TIGD5: variants seen among roughly 807,000 people sequenced by gnomAD.
TIGD5 encodes tigger transposable element-derived protein 5.
Under a neutral mutation model 28.8 loss-of-function variants are expected in TIGD5, and 24 were observed. The ratio of observed to expected loss-of-function variants is 0.83; its 90% CI spans 0.60 to 1.17. The LOEUF (loss-of-function observed/expected upper bound fraction) is 1.17. Among genes scored for constraint, TIGD5 ranks in the 50% most tolerant of loss-of-function variants. TIGD5 has a pLI of 0.00. For missense variants in TIGD5, 922 were observed against 911.4 expected (o/e 1.01, Z -0.15); for synonymous variants, 538 against 430.5 (o/e 1.25, Z -3.09).
chr8:143,598,585 G>C lies in TIGD5; in HGVS notation c.682G>C (p.Glu228Gln). The part of the protein sequence containing the change: ...DRAPAPPPPA[E>Q]GGYGDEQIYS... Reference sequence around the variant, plus strand: ...CGCCCCGGCCCCGCCGCCCCCGGCCGAGGGCGGCTACGGGGACGAGCAGAT... The same window carrying C: ...CGCCCCGGCCCCGCCGCCCCCGGCCCAGGGCGGCTACGGGGACGAGCAGAT... The change falls in exon 1 of 1, where the codon GAG becomes CAG. Residue 228 changes from glutamate (E) to glutamine (Q), a missense_variant. This residue lies in a region of TIGD5 where 821 missense variants were observed against 815.2 expected (regional missense o/e 1.01). Transcript: ENST00000504548. The surrounding 1 kb of genome is among the most constrained non-coding windows in gnomAD (Gnocchi z 6.6). 11 of 1,307,826 alleles carry C rather than the reference G, an allele frequency of 8.4e-6. No homozygotes were observed. The highest frequency in any genetic ancestry group is 1.6e-5 in the African/African-American group (1 of 62,638). The allele number at this position is 1,307,826 out of a possible 1,614,324, so 81.0% of individuals were successfully genotyped here.
Position 143,600,667 on chromosome 8 carries a change from G to A in TIGD5, c.*835G>A, listed in dbSNP as rs2131391144. The A allele has an allele frequency of 6.6e-6, 1 of 152,324 alleles. No individual in the cohort carries two copies. The highest frequency in any genetic ancestry group is 1.9e-4 in the East Asian group (1 of 5,180). The allele number at this position is 152,324 out of a possible 1,614,324, so 9.4% of individuals were successfully genotyped here. On this transcript the variant is annotated 3_prime_UTR_variant, in exon 1 of 1. Coordinates refer to ENST00000504548, the MANE Select transcript of TIGD5 (RefSeq NM_032862.5). ...GAGCCACCTGACTTACCTGGAAGCAGGCCCTGGCATTAGCCCCCAGGGCAA... is the reference window on the plus strand; with the variant it reads ...GAGCCACCTGACTTACCTGGAAGCAAGCCCTGGCATTAGCCCCCAGGGCAA...
Position 143,598,013 on chromosome 8 carries a change from CCCCCG to C in TIGD5, c.112_116del (p.Pro38AlafsTer69). On this transcript the variant is annotated frameshift_variant, in exon 1 of 1. Coordinates refer to ENST00000504548, the MANE Select transcript of TIGD5 (RefSeq NM_032862.5). LOFTEE classifies it high-confidence loss of function. The surrounding 1 kb of genome is among the most constrained non-coding windows in gnomAD (Gnocchi z 6.6). ...CCCGTCCCCGCTGCACGGCCGCCGCCCCCCGCGCCCGGGCCGCGGCCCCGCGTGGC... is the reference window on the plus strand; with the variant it reads ...CCCGTCCCCGCTGCACGGCCGCCGCCCGCCCGGGCCGCGGCCCCGCGTGGC... 8 of 1,288,208 alleles carry C rather than the reference CCCCCG, an allele frequency of 6.2e-6. No individual in the cohort carries two copies. Among genetic ancestry groups the C allele is most frequent in the Non-Finnish European group, 7.9e-6 (8 of 1,018,234 alleles). The allele number at this position is 1,288,208 out of a possible 1,614,324, so 79.8% of individuals were successfully genotyped here. A position where few individuals can be genotyped will look rare whatever the true frequency, so the allele number is the denominator to read the frequency against.
chr8:143,599,032 GC>G lies in TIGD5; in HGVS notation c.1134del (p.Val379CysfsTer217). On this transcript the variant is annotated frameshift_variant, in exon 1 of 1. Coordinates refer to ENST00000504548, the MANE Select transcript of TIGD5 (RefSeq NM_032862.5). LOFTEE classifies it high-confidence loss of function. ...TATGCCCGCCCTGGACAGCGAGGAT[GC>G]CCCCGTGCGGTGCAGGCCGGAGCCC... is the stretch of plus-strand genomic sequence containing the variant. ...ASMPALDSEDAPVRCRPEPLG... is the reference protein window; with the variant it reads ...ASMPALDSEDXPVRCRPEPLG... 6.4e-7 allele frequency: 1 copy of G among 1,569,978 alleles called. No homozygotes were observed.
Position 143,600,007 on chromosome 8 carries a change from C to G in TIGD5, c.*175C>G, listed in dbSNP as rs571061570. 9 of 620,052 alleles carry G rather than the reference C, an allele frequency of 1.5e-5. No individual in the cohort carries two copies. In the African/African-American group the frequency reaches 1.5e-4, roughly 11 times the overall value. The allele number at this position is 620,052 out of a possible 1,614,324, so 38.4% of individuals were successfully genotyped here. On this transcript the variant is annotated 3_prime_UTR_variant, in exon 1 of 1. Coordinates refer to ENST00000504548, the MANE Select transcript of TIGD5 (RefSeq NM_032862.5). ...CTCTGTTGGTGAGAGGTCGCCCTGCCTCACTGGCACCCTGGGGGCACAGCT... is the reference window on the plus strand; with the variant it reads ...CTCTGTTGGTGAGAGGTCGCCCTGCGTCACTGGCACCCTGGGGGCACAGCT...
chr8:143,598,504 C>T lies in TIGD5; in HGVS notation c.601C>T (p.Pro201Ser). The part of the protein sequence containing the change: ...GPPAPSPAPG[P>S]PVKEEPALPS... ...CCCAGCCCCGAGCCCCGCGCCCGGC[C>T]CGCCCGTCAAGGAGGAGCCCGCGCT... The change falls in exon 1 of 1, where the codon CCG becomes TCG. Residue 201 changes from proline to serine, a missense_variant. Coordinates refer to ENST00000504548, the MANE Select transcript of TIGD5 (RefSeq NM_032862.5). The surrounding 1 kb of genome is among the most constrained non-coding windows in gnomAD (Gnocchi z 6.6). 7.3e-7 allele frequency: 1 copy of T among 1,368,624 alleles called. No homozygotes were observed. Among genetic ancestry groups the T allele is most frequent in the Non-Finnish European group, 9.4e-7 (1 of 1,066,924 alleles). The allele number at this position is 1,368,624 out of a possible 1,614,324, so 84.8% of individuals were successfully genotyped here.
At position 143,597,922 on chromosome 8, in the gene TIGD5, C is replaced by A; in HGVS notation, c.19C>A (p.Pro7Thr). 2 of 861,980 alleles carry A rather than the reference C, an allele frequency of 2.3e-6. No homozygotes were observed. The highest frequency in any genetic ancestry group is 5.1e-5 in the South Asian group (1 of 19,660). 53.4% of individuals were successfully genotyped at this position (861,980 alleles called of 1,614,324 possible). A position where few individuals can be genotyped will look rare whatever the true frequency, so the allele number is the denominator to read the frequency against. ...CGCAGCCATGTACCCCGCGGGCCCC[C>A]CGGCCGGCCCGGTACCGCGCCGCGG... Reference protein sequence around the residue: MYPAGPPAGPVPRRGRR... With the variant: MYPAGPTAGPVPRRGRR... Residue 7 changes from proline (P) to threonine (T), a missense_variant, in exon 1 of 1, where the codon CCG (proline) becomes ACG (threonine). Physicochemically the swap from Pro to Thr is conservative, Grantham distance 38. This residue lies in a region of TIGD5 where 87 missense variants were observed against 60.9 expected (regional missense o/e 1.43). Transcript: ENST00000504548.
chr8:143,598,135 T>A lies in TIGD5; in HGVS notation c.232T>A (p.Cys78Ser). 1 of 1,589,556 alleles carries A rather than the reference T, an allele frequency of 6.3e-7. No individual in the cohort carries two copies. The highest frequency in any genetic ancestry group is 1.1e-5 in the South Asian group (1 of 88,220). Residue 78 changes from cysteine (C) to serine (S), a missense_variant, in exon 1 of 1, where the codon TGC becomes AGC. Physicochemically the swap from Cys to Ser is moderately radical, Grantham distance 112. Around this residue, in one of 3 missense-constraint regions of TIGD5, gnomAD observed 821 missense variants for 815.2 expected, o/e 1.01. Transcript: ENST00000504548. The surrounding 1 kb of genome is among the most constrained non-coding windows in gnomAD (Gnocchi z 6.6). ...VKGGERQASVCRDFGVPGGTL... is the reference protein window; with the variant it reads ...VKGGERQASVSRDFGVPGGTL... ...GGGCGGCGAGCGGCAGGCCAGTGTG[T>A]GCCGCGACTTCGGCGTGCCGGGCGG...
At position 143,598,016 on chromosome 8, in the gene TIGD5, C is replaced by G. The variant is rs1334286414; in HGVS notation, c.113C>G (p.Pro38Arg). ...APVPAARPPP[P>R]APGPRPRVAV... ...GTCCCCGCTGCACGGCCGCCGCCCC[C>G]CGCGCCCGGGCCGCGGCCCCGCGTG... The change falls in exon 1 of 1, where the codon CCC (proline) becomes CGC (arginine). Residue 38 changes from proline to arginine, a missense_variant. Pro to Arg is a moderately radical substitution (Grantham distance 103). Coordinates refer to ENST00000504548, the MANE Select transcript of TIGD5 (RefSeq NM_032862.5). The surrounding 1 kb of genome is among the most constrained non-coding windows in gnomAD (Gnocchi z 6.6). 2.3e-6 allele frequency: 3 copies of G among 1,295,880 alleles called. No individual in the cohort carries two copies. Among genetic ancestry groups the G allele is most frequent in the Non-Finnish European group, 2.9e-6 (3 of 1,023,298 alleles). 80.3% of individuals were successfully genotyped at this position (1,295,880 alleles called of 1,614,324 possible).
chr8:143,598,323 G>A lies in TIGD5; in HGVS notation c.420G>A (p.Val140=), dbSNP rs983315972. 1.9e-6 allele frequency: 3 copies of A among 1,607,400 alleles called. No homozygotes were observed. Among genetic ancestry groups the A allele is most frequent in the Non-Finnish European group, 2.5e-6 (3 of 1,178,068 alleles). The change falls in exon 1 of 1, where the codon GTG becomes GTA. Residue 140 remains valine (V), a synonymous_variant. Coordinates refer to ENST00000504548, the MANE Select transcript of TIGD5 (RefSeq NM_032862.5). The surrounding 1 kb of genome is among the most constrained non-coding windows in gnomAD (Gnocchi z 6.6). ...AWFLALRQHG[V]PLSGPLIQAQ... is the part of the protein sequence containing the mutation. ...TCCTGGCGCTGCGCCAGCACGGGGT[G>A]CCGCTGTCTGGCCCGCTCATCCAGG...
rs962956691 is a variant in TIGD5, at chr8:143,602,074, C to T, written c.*2242C>T. On this transcript the variant is annotated 3_prime_UTR_variant, in exon 1 of 1. Coordinates refer to ENST00000504548, the MANE Select transcript of TIGD5 (RefSeq NM_032862.5). The stretch of plus-strand genomic sequence containing the variant: ...TCACAACACCGCGCTCCAGTCTGCG[C>T]GACAGAGCGAGACTCTGTCTCAAAA... The T allele has an allele frequency of 2.8e-5, 4 of 141,768 alleles. No homozygotes were observed. The highest frequency in any genetic ancestry group is 4.4e-4 in the South Asian group (2 of 4,562). The allele number at this position is 141,768 out of a possible 1,614,324, so 8.8% of individuals were successfully genotyped here. A position where few individuals can be genotyped will look rare whatever the true frequency, so the allele number is the denominator to read the frequency against.
rs1211345187 is a variant in TIGD5 at position 143,598,070 on chromosome 8, A to G, written c.167A>G (p.Tyr56Cys). The change falls in exon 1 of 1, where the codon TAC becomes TGC. Residue 56 changes from tyrosine to cysteine, a missense_variant. Tyr to Cys is a radical substitution (Grantham distance 194, BLOSUM62 -2). Transcript: ENST00000504548. This position sits in a 1 kb window ranked among gnomAD's most constrained non-coding sequence, Gnocchi z 6.6. The stretch of plus-strand genomic sequence containing the variant: ...GTGAAGATGGCCTTCCGCAAGGCCT[A>G]CTCCATCAAGGACAAGCTGCAGGCC... ...VAVKMAFRKA[Y>C]SIKDKLQAIE... 1.3e-6 allele frequency: 2 copies of G among 1,500,900 alleles called. No homozygotes were observed. The highest frequency in any genetic ancestry group is 1.3e-5 in the South Asian group (1 of 76,524). 93.0% of individuals were successfully genotyped at this position (1,500,900 alleles called of 1,614,324 possible). A position where few individuals can be genotyped will look rare whatever the true frequency, so the allele number is the denominator to read the frequency against.
In TIGD5 at chr8:143,599,521, GGTCCGC is replaced by G. The variant is rs1485109754; in HGVS notation, c.1619_1624del (p.Gly540_Pro542delinsAla). On this transcript the variant is annotated inframe_deletion, in exon 1 of 1. Coordinates refer to ENST00000504548, the MANE Select transcript of TIGD5 (RefSeq NM_032862.5). ...GTGGCTGCACCTGGACGATGATGGGGGTCCGCCCGAGGGCTGCAGGGAGGAGGTGGG... is the reference window on the plus strand; with the variant it reads ...GTGGCTGCACCTGGACGATGATGGGGCCGAGGGCTGCAGGGAGGAGGTGGG... The G allele has an allele frequency of 5.7e-6, 9 of 1,585,890 alleles. No individual in the cohort carries two copies. In the Admixed American group the frequency reaches 8.9e-5, roughly 16 times the overall value.
At position 143,600,794 on chromosome 8, in the gene TIGD5, C is replaced by G. The variant is rs1202884212; in HGVS notation, c.*962C>G. On this transcript the variant is annotated 3_prime_UTR_variant, in exon 1 of 1. Coordinates refer to ENST00000504548, the MANE Select transcript of TIGD5 (RefSeq NM_032862.5). ...GGCTGACAAGCTGCTCCTGGGAGGC[C>G]TACTTTGAAAGGAGGAAAGGGCCCC... 4 of 152,374 alleles carry G rather than the reference C, an allele frequency of 2.6e-5. No individual in the cohort carries two copies. Among genetic ancestry groups the G allele is most frequent in the African/African-American group, 9.6e-5 (4 of 41,452 alleles). The allele number at this position is 152,374 out of a possible 1,614,324, so 9.4% of individuals were successfully genotyped here.
In TIGD5 at chr8:143,598,842, C is replaced by T; in HGVS notation, c.939C>T (p.Ala313=). 1.2e-6 allele frequency: 2 copies of T among 1,600,960 alleles called. No individual in the cohort carries two copies. Among genetic ancestry groups the T allele is most frequent in the Non-Finnish European group, 1.7e-6 (2 of 1,179,604 alleles). ...ACCACAACCAGGACAAGTTCCCGGC[C>T]TCCTACCGCTACAGCCCCGACGCCT... ...LRHHNQDKFP[A]SYRYSPDAWL... Residue 313 remains alanine (A), a synonymous_variant, in exon 1 of 1, where the codon GCC becomes GCT. Coordinates refer to ENST00000504548, the MANE Select transcript of TIGD5 (RefSeq NM_032862.5). The surrounding 1 kb of genome is among the most constrained non-coding windows in gnomAD (Gnocchi z 6.6).
Position 143,603,133 on chromosome 8 carries a change from A to C in TIGD5, c.*3301A>C, listed in dbSNP as rs1304928902. On this transcript the variant is annotated 3_prime_UTR_variant, in exon 1 of 1. Coordinates refer to ENST00000504548, the MANE Select transcript of TIGD5 (RefSeq NM_032862.5). Reference sequence around the variant, plus strand: ...ATGCTCTGTTGAGGGCCCTTCCTCTAACTGGCGAGCTTGTTTACAGCTGAG... The same window carrying C: ...ATGCTCTGTTGAGGGCCCTTCCTCTCACTGGCGAGCTTGTTTACAGCTGAG... The C allele has an allele frequency of 6.6e-6, 1 of 152,208 alleles. No homozygotes were observed. Among genetic ancestry groups the C allele is most frequent in the Non-Finnish European group, 1.5e-5 (1 of 68,034 alleles). The allele number at this position is 152,208 out of a possible 1,614,324, so 9.4% of individuals were successfully genotyped here.
rs949069051 is a variant in TIGD5, at chr8:143,600,705, C to T, written c.*873C>T. The T allele has an allele frequency of 6.6e-6, 1 of 152,316 alleles. No individual in the cohort carries two copies. Among genetic ancestry groups the T allele is most frequent in the Non-Finnish European group, 1.5e-5 (1 of 68,092 alleles). 9.4% of individuals were successfully genotyped at this position (152,316 alleles called of 1,614,324 possible). A position where few individuals can be genotyped will look rare whatever the true frequency, so the allele number is the denominator to read the frequency against. On this transcript the variant is annotated 3_prime_UTR_variant, in exon 1 of 1. Transcript: ENST00000504548. ...GCCCCCAGGGCAATACGCAGTGCCA[C>T]CCTCTGTGGGCTCTCCTCCCCACCC...
Position 143,599,109 on chromosome 8 carries a change from G to C in TIGD5, c.1206G>C (p.Leu402=). 1.3e-6 allele frequency: 2 copies of C among 1,584,684 alleles called. No individual in the cohort carries two copies. Among genetic ancestry groups the C allele is most frequent in the Non-Finnish European group, 1.7e-6 (2 of 1,166,888 alleles). Residue 402 remains leucine (L), a synonymous_variant, in exon 1 of 1, where the codon CTG becomes CTC. Transcript: ENST00000504548. ...LQTPDGAVRV[L]FLSKGSSRAH... is the part of the protein sequence containing the mutation. ...CACCGGATGGCGCTGTGCGGGTGCT[G>C]TTCCTGTCCAAAGGCAGCAGCCGGG...
In TIGD5 at chr8:143,599,943, G is replaced by A; in HGVS notation, c.*111G>A. The stretch of plus-strand genomic sequence containing the variant: ...GGGGTGGCCCACCGCATGGGTACAG[G>A]GGGTTCCAGGAATCCAAATCCAGCA... On this transcript the variant is annotated 3_prime_UTR_variant, in exon 1 of 1. Transcript: ENST00000504548. The A allele has an allele frequency of 1.6e-6, 2 of 1,234,036 alleles. No homozygotes were observed. The highest frequency in any genetic ancestry group is 2.1e-6 in the Non-Finnish European group (2 of 952,876). 76.4% of individuals were successfully genotyped at this position (1,234,036 alleles called of 1,614,324 possible).
rs966712307 is a variant in TIGD5 at position 143,599,392 on chromosome 8, C to T, written c.1489C>T (p.Pro497Ser). 5 of 1,565,664 alleles carry T rather than the reference C, an allele frequency of 3.2e-6. No individual in the cohort carries two copies. Among genetic ancestry groups the T allele is most frequent in the Non-Finnish European group, 4.3e-6 (5 of 1,156,194 alleles). Residue 497 changes from proline (P) to serine (S), a missense_variant, in exon 1 of 1, where the codon CCG becomes TCG. This residue lies in a region of TIGD5 where 821 missense variants were observed against 815.2 expected (regional missense o/e 1.01). Coordinates refer to ENST00000504548, the MANE Select transcript of TIGD5 (RefSeq NM_032862.5). ...GCCCGGCGAGGACAGTGCTGGGCAG[C>T]CGGCCCAGGCCGAGGAAGCCGCCGA... is the stretch of plus-strand genomic sequence containing the variant. ...PRPGEDSAGQ[P>S]AQAEEAAEHS...
Sources: allele counts gnomAD v4.1 joint callset, GRCh38; gene constraint gnomAD v4.1.1; regional missense constraint gnomAD v4.1.1; non-coding constraint Gnocchi (gnomAD v3.1); transcripts MANE v1.5; gene names NCBI Gene and HGNC (gene_info 2026-07-23, HGNC 2026-07-21).